Variants in STXBP3 observed in about 807,000 individuals in gnomAD.
The protein encoded by STXBP3 is syntaxin-binding protein 3.
Under a neutral mutation model 85.7 loss-of-function variants are expected in STXBP3, and 41 were observed. The observed-to-expected ratio is 0.48, with a 90% CI of 0.37 to 0.62. The LOEUF is 0.62. STXBP3 is among the 20% of genes least tolerant of loss of function. The pLI, the probability that STXBP3 is intolerant of heterozygous loss-of-function variation, is 0.00. For synonymous variants in STXBP3, 229 were observed against 231.7 expected (o/e 0.99, Z 0.10); for missense variants, 563 against 703.1 (o/e 0.80, Z 2.25).
chr1:108,791,527 G>A (rs953912830), intron 11 of STXBP3, among the ~76,000 whole-genome samples: 2 of 150,084 alleles, frequency 1.3e-5, no homozygotes, highest in African/African-American at 4.9e-5. Context: ...CTTGCATTCT[G>A]TTACCTTTTT....
chr1:108,761,197 C>T (rs1051628268), intron 6 of STXBP3, among the ~76,000 whole-genome samples: 7 of 152,096 alleles, frequency 4.6e-5, no homozygotes, highest in East Asian at 1.9e-4. Flanking sequence ...TGAGCCACCA[C>T]GCCCAGCTGA....
intron 9 of STXBP3, chr1:108,780,076 G>T (rs1361985297): frequency 6.6e-6 from 1 of 151,958 alleles, no homozygotes; most frequent in Non-Finnish European, 1.5e-5. Context: ...AATCCAAACT[G>T]GTATTTGTCA....
intron 4 of STXBP3, 64 bp downstream of exon 4, chr1:108,756,830 A>G: frequency 7.6e-7 from 1 of 1,308,218 alleles, no homozygotes; most frequent in Non-Finnish European, 1.1e-6. Flanking sequence ...TGGTTTACTA[A>G]CAGAAAATTC....
intron 9 of STXBP3, chr1:108,781,590 TA>T (rs1662715991): frequency 6.6e-6 from 1 of 152,222 alleles, no homozygotes; most frequent in Non-Finnish European, 1.5e-5. Context: ...TCTCATTCTG[TA>T]AAGGAGATGT....
At position 108,780,764 on chromosome 1, in the gene STXBP3, C is replaced by CTTT. The variant is rs36126153; in HGVS notation, c.809+1366_809+1368dup. The CTTT allele has an allele frequency of 2.7e-3, 372 of 136,868 alleles. 5 individuals are homozygous for CTTT. The highest frequency in any genetic ancestry group is 3.6e-3 in the Non-Finnish European group (237 of 64,958). 8.5% of individuals were successfully genotyped at this position (136,868 alleles called of 1,614,324 possible). A position where few individuals can be genotyped will look rare whatever the true frequency, so the allele number is the denominator to read the frequency against. ...CATGTTGGTGCCTTCTTTAAATTTA[C>CTTT]TTTTTTTTTTTTTTCTTTTTTTGAG... On this transcript the variant is annotated intron_variant, in intron 9 of 18. Coordinates refer to ENST00000370008, the MANE Select transcript of STXBP3 (RefSeq NM_007269.4).
chr1:108,749,294 G>C (rs1022062231), intron 1 of STXBP3, among the ~76,000 whole-genome samples: 6 of 152,126 alleles, frequency 3.9e-5, no homozygotes, highest in African/African-American at 1.2e-4. Flanking sequence ...TAGTTTTCAG[G>C]GTGCTGTAAT....
At chr1:108,786,607 G>A (rs1662833749) in intron 11 of STXBP3, among the ~76,000 whole-genome samples, 1 of 152,194 alleles carries the variant, frequency 6.6e-6, no homozygotes, top group Non-Finnish European at 1.5e-5. Context: ...ATAAATGTGT[G>A]GGTCTGTGGA....
chr1:108,800,072 G>A (rs367816140), intron 16 of STXBP3, 148 bp from the exon 17 acceptor site: 3 of 636,294 alleles, frequency 4.7e-6, no homozygotes, highest in Admixed American at 2.8e-5. Context: ...AGGAAATAAG[G>A]TTTGTGAGTT....
chr1:108,749,883 A>G (rs1661865651), intron 1 of STXBP3, among the ~76,000 whole-genome samples: 1 of 152,196 alleles, frequency 6.6e-6, no homozygotes, highest in Non-Finnish European at 1.5e-5. Context: ...TAAAAAGGTA[A>G]AAAGAAAAAG....
chr1:108,758,269 C>CT (rs11445379), intron 4 of STXBP3, among the ~76,000 whole-genome samples: 47,363 of 144,464 alleles, frequency 0.33, 8,187 homozygotes, highest in African/African-American at 0.41. Flanking sequence ...TTACCTTACT[C>CT]TTTTTTTTTT....
chr1:108,778,253 G>A (rs1464178501), intron 8 of STXBP3, among the ~76,000 whole-genome samples: 1 of 152,126 alleles, frequency 6.6e-6, no homozygotes, highest in African/African-American at 2.4e-5. Context: ...GTAGTTATCT[G>A]TTATTGCTTT....
chr1:108,793,737 C>A, intron 12 of STXBP3, 90 bp downstream of exon 12: 1 of 1,077,560 alleles, frequency 9.3e-7, no homozygotes, highest in South Asian at 1.4e-5. Context: ...CAGTGGGTTT[C>A]GTGGAATACT....
chr1:108,752,922 A>G (rs1362005706), intron 2 of STXBP3, 141 bp from the exon 3 acceptor site: 4 of 511,172 alleles, frequency 7.8e-6, no homozygotes, highest in Admixed American at 3.9e-5. Context: ...AGCTCATGCA[A>G]GATAAAAGAT....
At chr1:108,771,464 T>C (rs12239484) in intron 6 of STXBP3, among the ~76,000 whole-genome samples, 1 of 81,752 alleles carries the variant, frequency 1.2e-5, no homozygotes, top group African/African-American at 5.0e-5. Flanking sequence ...TATATAAATA[T>C]ATATGATATA....
At chr1:108,798,380 C>A in intron 16 of STXBP3, 143 bp downstream of exon 16, 2 of 347,030 alleles carry the variant, frequency 5.8e-6, no homozygotes. Flanking sequence ...AAGCCTGTAT[C>A]TGGGAAACTC....
intron 7 of STXBP3, among the ~76,000 whole-genome samples, 200 bp downstream of exon 7, chr1:108,773,019 C>T (rs1662502541): frequency 6.6e-6 from 1 of 152,012 alleles, no homozygotes; most frequent in Non-Finnish European, 1.5e-5. Flanking sequence ...AATTTCGGAG[C>T]CTAAATTTGG....
intron 17 of STXBP3, among the ~76,000 whole-genome samples, chr1:108,804,969 C>A (rs186725022): frequency 6.6e-6 from 1 of 152,308 alleles, no homozygotes; most frequent in East Asian, 1.9e-4. Context: ...CTGGAGATTT[C>A]TCTGACTTGT....
chr1:108,784,863 C>G (rs1345314862), intron 11 of STXBP3, among the ~76,000 whole-genome samples: 2 of 152,200 alleles, frequency 1.3e-5, no homozygotes, highest in East Asian at 3.9e-4. Flanking sequence ...CCATGCAGGT[C>G]CAAAATCCAA....
At chr1:108,765,134 G>T (rs1337408208) in intron 6 of STXBP3, among the ~76,000 whole-genome samples, 1 of 152,150 alleles carries the variant, frequency 6.6e-6, no homozygotes, top group Non-Finnish European at 1.5e-5. Context: ...ATTGATTAGG[G>T]AGTCCTTTCC....
Sources: gnomAD v4.1 joint callset for allele counts (sites outside exome capture counted in the v4.1 genomes callset) on GRCh38, gnomAD v4.1.1 for gene constraint, MANE v1.5 for transcripts, NCBI Gene and HGNC (gene_info 2026-07-23, HGNC 2026-07-21) for gene names.